ILRUN: variants seen among roughly 807,000 people sequenced by gnomAD.
The protein encoded by ILRUN is protein ILRUN.
ILRUN carries 3 observed loss-of-function variants against 33.8 expected under a neutral mutation model. That is an observed-to-expected ratio of 0.09 (90% CI 0.04 to 0.23). The LOEUF is 0.23. Among genes scored for constraint, ILRUN ranks in the 10% least tolerant of loss-of-function variants. ILRUN has a pLI of 1.00. For synonymous variants in ILRUN, 124 were observed against 138.9 expected (o/e 0.89, Z 0.75); for missense variants, 210 against 375.1 (o/e 0.56, Z 3.64).
intron 4 of ILRUN, among the ~76,000 whole-genome samples, chr6:34,603,633 C>CA (rs1295785776): frequency 2.0e-5 from 3 of 151,844 alleles, no homozygotes; most frequent in African/African-American, 4.8e-5. Context: ...GACTCTATCT[C>CA]AAAAAAACAA....
chr6:34,640,966 C>A (rs1409172167), intron 3 of ILRUN, among the ~76,000 whole-genome samples: 1 of 150,410 alleles, frequency 6.6e-6, no homozygotes, highest in Non-Finnish European at 1.5e-5. Context: ...GTAATCCCAG[C>A]TACTCGGGAG....
At chr6:34,654,540 A>T (rs1762733032) in intron 2 of ILRUN, 85 bp downstream of exon 2, 1 of 1,397,234 alleles carries the variant, frequency 7.2e-7, no homozygotes, top group South Asian at 1.4e-5. Flanking sequence ...ACACAATCAC[A>T]TACATAAGCT....
chr6:34,690,550 G>A (rs1468283496), intron 1 of ILRUN, among the ~76,000 whole-genome samples: 1 of 151,966 alleles, frequency 6.6e-6, no homozygotes, highest in African/African-American at 2.4e-5. Context: ...TTCTTAAAAA[G>A]TGAGGTAAGC....
intron 4 of ILRUN, among the ~76,000 whole-genome samples, chr6:34,599,357 C>T (rs1377696167): frequency 6.6e-6 from 1 of 152,162 alleles, no homozygotes; most frequent in Non-Finnish European, 1.5e-5. Context: ...AAACTCAGCC[C>T]TTGGACCTCT....
At chr6:34,640,212 C>G (rs1762441674) in intron 3 of ILRUN, among the ~76,000 whole-genome samples, 3 of 151,706 alleles carry the variant, frequency 2.0e-5, no homozygotes. Flanking sequence ...GGGAGGAGGC[C>G]AGAGGTCTTG....
At chr6:34,688,040 C>T (rs1022268119) in intron 1 of ILRUN, among the ~76,000 whole-genome samples, 1 of 151,726 alleles carries the variant, frequency 6.6e-6, no homozygotes, top group South Asian at 2.1e-4. Flanking sequence ...TGTCTACCAA[C>T]GAATGAACAG....
At chr6:34,618,487 CCT>C (rs1025666981) in intron 3 of ILRUN, among the ~76,000 whole-genome samples, 11 of 152,306 alleles carry the variant, frequency 7.2e-5, no homozygotes, top group African/African-American at 2.4e-4. Context: ...AGAACTGACC[CCT>C]GTCCTACCAA....
chr6:34,637,819 A>G (rs1019209996), intron 3 of ILRUN, among the ~76,000 whole-genome samples: 1 of 151,832 alleles, frequency 6.6e-6, no homozygotes, highest in Admixed American at 6.6e-5. Context: ...TGAACAGTAC[A>G]GTCATTTCAC....
In ILRUN at chr6:34,646,779, T is replaced by C. The variant is rs1762571181; in HGVS notation, c.333A>G (p.Pro111=). 1.9e-6 allele frequency: 3 copies of C among 1,613,904 alleles called. No homozygotes were observed. The African/African-American group carries it at 4.0e-5, about 22-fold the overall frequency. Residue 111 remains proline, a synonymous_variant, in exon 3 of 5, where the codon CCA becomes CCG. Transcript: ENST00000374023. The surrounding 1 kb of genome is among the most constrained non-coding windows in gnomAD (Gnocchi z 4.9). ...CCCCGACATATTTAAGACAAACCCC[T>C]GGAGGCCAGGCCTCTGCCCCTGAGT... ...IQNSGAEAWP[P]GVCLKYVGGD... is the part of the protein sequence containing the mutation.
intron 3 of ILRUN, among the ~76,000 whole-genome samples, chr6:34,612,214 GACCAGCCTATGGCAAC>G (rs72438161): frequency 0.25 from 38,710 of 151,934 alleles, 5,053 homozygotes; most frequent in East Asian, 0.31. Context: ...AGGAGTTTGC[GACCAGCCTATGGCAAC>G]ACCAGCCTAG....
At chr6:34,686,568 G>A (rs1021261876) in intron 1 of ILRUN, 2 of 201,494 alleles carry the variant, frequency 9.9e-6, no homozygotes, top group Non-Finnish European at 2.1e-5. Flanking sequence ...AATGGGCAAA[G>A]CCTTTTTGCG....
intron 1 of ILRUN, among the ~76,000 whole-genome samples, chr6:34,665,794 G>C (rs1476706065): frequency 5.9e-5 from 9 of 151,984 alleles, no homozygotes; most frequent in Non-Finnish European, 1.0e-4. Flanking sequence ...CCATCCTCTT[G>C]TTTCTGCATA....
At chr6:34,657,412 CT>C (rs1261546045) in intron 1 of ILRUN, among the ~76,000 whole-genome samples, 1 of 152,224 alleles carries the variant, frequency 6.6e-6, no homozygotes, top group Non-Finnish European at 1.5e-5. Flanking sequence ...AGCTACCCAA[CT>C]TAGGCAGATC....
At chr6:34,600,324 C>T (rs1391254495) in intron 4 of ILRUN, among the ~76,000 whole-genome samples, 10 of 152,184 alleles carry the variant, frequency 6.6e-5, no homozygotes, top group Non-Finnish European at 1.5e-5. Flanking sequence ...ATCCCTTGAA[C>T]ACAACAGGCA....
intron 1 of ILRUN, among the ~76,000 whole-genome samples, chr6:34,674,186 C>G (rs1362175227): frequency 6.6e-6 from 1 of 152,146 alleles, no homozygotes; most frequent in Non-Finnish European, 1.5e-5. Context: ...ACCACCACAC[C>G]CAGCTAATTT....
chr6:34,636,928 A>G (rs1762377251), intron 3 of ILRUN, among the ~76,000 whole-genome samples: 1 of 152,204 alleles, frequency 6.6e-6, no homozygotes. Flanking sequence ...CATATATGTC[A>G]ACATATTTTT....
intron 1 of ILRUN, among the ~76,000 whole-genome samples, chr6:34,662,507 A>G (rs2127371761): frequency 6.6e-6 from 1 of 152,322 alleles, no homozygotes; most frequent in Non-Finnish European, 1.5e-5. Context: ...CCACTGACCA[A>G]TGAACAAATA....
Position 34,682,262 on chromosome 6 carries a change from T to G in ILRUN, c.158+14184A>C, listed in dbSNP as rs1263614414. Among the ~76,000 whole-genome samples, 8 of 133,106 alleles carry G rather than the reference T, an allele frequency of 6.0e-5. No individual in the cohort carries two copies. The East Asian group carries it at 8.4e-4, about 14-fold the overall frequency. The allele number at this position is 133,106 out of a possible 152,430, so 87.3% of individuals were successfully genotyped here. ...TCCCTGCAACCTCTGTTTTTTTTTT[T>G]TTTTTTTTTTTTTTTGAGACAGTCT... On this transcript the variant is annotated intron_variant, in intron 1 of 4. Transcript: ENST00000374023.
chr6:34,602,096 C>T (rs779990431), intron 4 of ILRUN, among the ~76,000 whole-genome samples: 19 of 152,024 alleles, frequency 1.2e-4, no homozygotes, highest in African/African-American at 4.4e-4. Context: ...GAATATATGG[C>T]ATATACCAGC....
Sources: allele counts gnomAD v4.1 joint callset (sites outside exome capture counted in the v4.1 genomes callset), GRCh38; gene constraint gnomAD v4.1.1; non-coding constraint Gnocchi (gnomAD v3.1); transcripts MANE v1.5; gene names NCBI Gene and HGNC (gene_info 2026-07-23, HGNC 2026-07-21).